USP10: variants seen among roughly 807,000 people sequenced by gnomAD.
USP10 encodes ubiquitin specific peptidase 10.
In USP10, 22 loss-of-function variants were observed where a neutral mutation model predicts 84.5. That is an observed-to-expected ratio of 0.26 (90% confidence interval 0.19 to 0.37). The LOEUF is 0.37. Among genes scored for constraint, USP10 ranks in the 10% least tolerant of loss-of-function variants. The probability of loss-of-function intolerance (pLI) is 1.00; values close to 1 mark genes in which losing one functional copy is unlikely to be tolerated. For missense variants in USP10, 1,019 were observed against 998.9 expected, an observed-to-expected ratio of 1.02 and a Z score of -0.27; for synonymous variants, 454 against 387.6, an observed-to-expected ratio of 1.17 and a Z score of -2.01.
At chr16:84,701,155 C>T (rs982968672) in intron 1 of USP10, among the ~76,000 whole-genome samples, 8 of 152,172 alleles carry the variant, frequency 5.3e-5, no homozygotes, top group African/African-American at 1.7e-4. Flanking sequence ...TGCCCTTCTG[C>T]AGATGAAGTC....
At position 84,779,841 on chromosome 16, in the gene USP10, C is replaced by T. The variant is rs117272162; in HGVS notation, c.*759C>T. The T allele has an allele frequency of 1.3e-5, 2 of 152,506 alleles. No individual in the cohort carries two copies. The highest frequency in any genetic ancestry group is 2.4e-5 in the African/African-American group (1 of 41,560). The allele number at this position is 152,506 out of a possible 1,614,324, so 9.4% of individuals were successfully genotyped here. ...TGCTGTCTGCTCTTCTCTAATGCTGCGTCCCTAATTGTACACAGTTTAGTG... is the reference window on the plus strand; with the variant it reads ...TGCTGTCTGCTCTTCTCTAATGCTGTGTCCCTAATTGTACACAGTTTAGTG... On this transcript the variant is annotated 3_prime_UTR_variant, in exon 14 of 14. Coordinates refer to ENST00000219473, the MANE Select transcript of USP10 (RefSeq NM_005153.3).
At chr16:84,759,069 T>C (rs777855356) in intron 5 of USP10, among the ~76,000 whole-genome samples, 10 of 152,188 alleles carry the variant, frequency 6.6e-5, no homozygotes, top group Non-Finnish European at 1.3e-4. Context: ...TCACAAATAA[T>C]AGGGCAGAGC....
intron 1 of USP10, among the ~76,000 whole-genome samples, chr16:84,721,622 G>A (rs1805425800): frequency 6.6e-6 from 1 of 152,174 alleles, no homozygotes; most frequent in African/African-American, 2.4e-5. Context: ...TGACCTCCTG[G>A]GTTCAAGCCA....
At chr16:84,725,657 G>GC (rs1016001903) in intron 1 of USP10, among the ~76,000 whole-genome samples, 3 of 152,070 alleles carry the variant, frequency 2.0e-5, no homozygotes, top group Middle Eastern at 3.2e-3. Flanking sequence ...ACCCGCCTCG[G>GC]CCCCCCAGAG....
At chr16:84,718,996 A>G (rs143529051) in intron 1 of USP10, among the ~76,000 whole-genome samples, 1 of 151,810 alleles carries the variant, frequency 6.6e-6, no homozygotes, top group Non-Finnish European at 1.5e-5. Flanking sequence ...TTCACTATGT[A>G]GGTCAAGCTG....
At chr16:84,752,407 T>G (rs533455607) in intron 4 of USP10, among the ~76,000 whole-genome samples, 112 of 152,374 alleles carry the variant, frequency 7.4e-4, no homozygotes, top group Non-Finnish European at 1.4e-3. Flanking sequence ...GCAATGACTT[T>G]GGAATGCAGG....
intron 4 of USP10, among the ~76,000 whole-genome samples, chr16:84,747,479 A>C (rs1377605569): frequency 6.6e-6 from 1 of 151,696 alleles, no homozygotes; most frequent in African/African-American, 2.4e-5. Flanking sequence ...GTTGTTCTGA[A>C]GTTCTCTTAA....
chr16:84,724,925 A>G (rs1033163869), intron 1 of USP10, among the ~76,000 whole-genome samples: 3 of 152,238 alleles, frequency 2.0e-5, no homozygotes, highest in Non-Finnish European at 4.4e-5. Flanking sequence ...TGTTCAGTAG[A>G]TATCAGCTAG....
At chr16:84,702,183 A>G (rs528496274) in intron 1 of USP10, among the ~76,000 whole-genome samples, 2 of 149,926 alleles carry the variant, frequency 1.3e-5, no homozygotes, top group African/African-American at 4.9e-5. Context: ...CAGCCTCCCA[A>G]GTAGCTGGGA....
intron 11 of USP10, among the ~76,000 whole-genome samples, chr16:84,768,656 C>G (rs1046023162): frequency 6.6e-6 from 1 of 152,128 alleles, no homozygotes; most frequent in Non-Finnish European, 1.5e-5. Flanking sequence ...TCAATACTAC[C>G]TCTGACAGAG....
intron 7 of USP10, 106 bp downstream of exon 7, chr16:84,760,052 A>C: frequency 6.6e-7 from 1 of 1,522,642 alleles, no homozygotes; most frequent in East Asian, 2.3e-5. Context: ...GTGTCTTTAC[A>C]CCTATGCCAT....
intron 10 of USP10, among the ~76,000 whole-genome samples, chr16:84,764,937 A>ATATATATATAT (rs1364532157): frequency 8.8e-4 from 68 of 76,916 alleles, no homozygotes; most frequent in African/African-American, 3.1e-3. Flanking sequence ...GAGAGAAAAA[A>ATATATATATAT]AAATATATAT....
chr16:84,736,143 C>A (rs904387603), intron 2 of USP10, among the ~76,000 whole-genome samples: 1 of 152,138 alleles, frequency 6.6e-6, no homozygotes, highest in Non-Finnish European at 1.5e-5. Context: ...GGCCTTTTAT[C>A]TCTCAGGTAA....
chr16:84,768,453 T>TA, intron 11 of USP10, 95 bp downstream of exon 11: 4 of 1,250,754 alleles, frequency 3.2e-6, no homozygotes, highest in Non-Finnish European at 4.3e-6. Flanking sequence ...GGGTTTGAGT[T>TA]ATGCCTCTTA....
chr16:84,706,433 TA>T (rs1334225624), intron 1 of USP10, among the ~76,000 whole-genome samples: 1 of 151,210 alleles, frequency 6.6e-6, no homozygotes, highest in African/African-American at 2.4e-5. Flanking sequence ...CTTGGTATTT[TA>T]AGTAATAATT....
intron 8 of USP10, among the ~76,000 whole-genome samples, chr16:84,761,797 C>G (rs1913237998): frequency 6.6e-6 from 1 of 152,274 alleles, no homozygotes; most frequent in Admixed American, 6.5e-5. Context: ...TTCTGAAATC[C>G]AAATTCCCAG....
At chr16:84,700,940 C>G (rs909703114) in intron 1 of USP10, among the ~76,000 whole-genome samples, 1 of 151,988 alleles carries the variant, frequency 6.6e-6, no homozygotes, top group Admixed American at 6.6e-5. Flanking sequence ...TATAATTATT[C>G]TGGACAAAAA....
chr16:84,758,799 A>C lies in USP10; in HGVS notation c.1276A>C (p.Ile426Leu), dbSNP rs760556431. The change falls in exon 5 of 14, where the codon ATT becomes CTT. Residue 426 changes from isoleucine to leucine, a missense_variant. By Grantham distance (5) the Ile-to-Leu change is conservative. Around this residue, in one of 2 missense-constraint regions of USP10, gnomAD observed 787 missense variants for 708.8 expected, o/e 1.11. Transcript: ENST00000219473. ...GATCAATAAAGGGAACTGGTGCTAC[A>C]TTAATGCTGTATCCTTCCTGGACGC... is the stretch of plus-strand genomic sequence containing the variant. ...GLINKGNWCY[I>L]NATLQALVAC... The C allele has an allele frequency of 6.2e-7, 1 of 1,612,812 alleles. No homozygotes were observed. Among genetic ancestry groups the C allele is most frequent in the Non-Finnish European group, 8.5e-7 (1 of 1,178,774 alleles).
chr16:84,778,382 A>G (rs746261624), intron 13 of USP10, among the ~76,000 whole-genome samples: 23 of 152,192 alleles, frequency 1.5e-4, no homozygotes, highest in African/African-American at 4.8e-4. Flanking sequence ...TTCTTAATCT[A>G]TTCCACGAAA....
Sources: allele counts gnomAD v4.1 joint callset (sites outside exome capture counted in the v4.1 genomes callset), GRCh38; gene constraint gnomAD v4.1.1; regional missense constraint gnomAD v4.1.1; transcripts MANE v1.5; gene names NCBI Gene and HGNC (gene_info 2026-07-23, HGNC 2026-07-21).